Variants in WDR20 observed in about 807,000 individuals in gnomAD.
WDR20 encodes the protein WD repeat-containing protein 20.
A neutral mutation model predicts 38.7 loss-of-function variants in WDR20; 3 were observed. That is an observed-to-expected ratio of 0.08 (90% CI 0.04 to 0.20). WDR20 has a LOEUF of 0.20. WDR20 is among the 10% of genes least tolerant of loss of function. The pLI is 1.00. For synonymous variants in WDR20, 298 were observed against 285.6 expected, an observed-to-expected ratio of 1.04 and a Z score of -0.44; for missense variants, 559 against 727.7, an observed-to-expected ratio of 0.77 and a Z score of 2.67.
chr14:102,209,435 G>C lies in WDR20; in HGVS notation c.1265G>C (p.Gly422Ala). The C allele has an allele frequency of 6.2e-7, 1 of 1,614,158 alleles. No individual in the cohort carries two copies. The highest frequency in any genetic ancestry group is 8.5e-7 in the Non-Finnish European group (1 of 1,180,032). Residue 422 changes from glycine (G) to alanine (A), a missense_variant, in exon 3 of 3, where the codon GGG becomes GCG. Physicochemically the swap from Gly to Ala is moderately conservative, Grantham distance 60. Coordinates refer to ENST00000342702, the MANE Select transcript of WDR20 (RefSeq NM_144574.4). This position sits in a 1 kb window ranked among gnomAD's most constrained non-coding sequence, Gnocchi z 6.0. ...GSNGNSVTTP[G>A]NSVPPPLPRS... ...AATGGGAACAGTGTTACAACACCCG[G>C]GAACTCTGTGCCGCCTCCTCTGCCA... is the stretch of plus-strand genomic sequence containing the variant.
intron 1 of WDR20, among the ~76,000 whole-genome samples, chr14:102,144,888 G>A (rs1400965785): frequency 1.3e-5 from 2 of 151,940 alleles, no homozygotes; most frequent in East Asian, 1.9e-4. Context: ...TAATAGAGAC[G>A]GGGTTTTGCC....
At chr14:102,142,656 G>A (rs528263942) in intron 1 of WDR20, among the ~76,000 whole-genome samples, 2 of 151,476 alleles carry the variant, frequency 1.3e-5, no homozygotes, top group African/African-American at 4.9e-5. Context: ...AGGTCTTGCC[G>A]TGTTGCCCAG....
At chr14:102,144,024 T>TAAC (rs112135877) in intron 1 of WDR20, among the ~76,000 whole-genome samples, 121,682 of 149,614 alleles carry the variant, frequency 0.81, 50,227 homozygotes, top group East Asian at 0.97. Context: ...AAAAAAATAA[T>TAAC]AAAAAAAAAA....
At chr14:102,157,872 A>G (rs983866243) in intron 1 of WDR20, among the ~76,000 whole-genome samples, 4 of 152,058 alleles carry the variant, frequency 2.6e-5, no homozygotes, top group African/African-American at 7.3e-5. Context: ...AATTCTTAGT[A>G]TGATTTAAAA....
At chr14:102,169,673 G>A (rs901591263) in intron 1 of WDR20, among the ~76,000 whole-genome samples, 2 of 151,770 alleles carry the variant, frequency 1.3e-5, no homozygotes, top group African/African-American at 2.4e-5. Flanking sequence ...GATTACAGGC[G>A]CCTGCCACTA....
intron 2 of WDR20, among the ~76,000 whole-genome samples, chr14:102,199,854 G>A (rs1171335218): frequency 6.6e-6 from 1 of 152,240 alleles, no homozygotes; most frequent in Non-Finnish European, 1.5e-5. Context: ...TAAAATGCTT[G>A]TTGATAGAAA....
intron 2 of WDR20, among the ~76,000 whole-genome samples, chr14:102,199,196 T>C (rs1458253330): frequency 1.3e-5 from 2 of 151,784 alleles, no homozygotes; most frequent in African/African-American, 4.8e-5. Flanking sequence ...TCTGCCACTT[T>C]CTGCTTGCAG....
At chr14:102,218,172 G>A (rs552280517), downstream of WDR20, among the ~76,000 whole-genome samples, 2 of 152,380 alleles carry the variant, frequency 1.3e-5, no homozygotes, top group East Asian at 3.9e-4. Flanking sequence ...GGGCCTGTGT[G>A]CGTCTTACTT....
chr14:102,216,311 CGT>C (rs1387388964), downstream of WDR20, among the ~76,000 whole-genome samples: 1 of 152,166 alleles, frequency 6.6e-6, no homozygotes, highest in East Asian at 1.9e-4. Context: ...CTGAACAGGG[CGT>C]TTTGGTTTGT....
At chr14:102,187,299 G>T (rs1047371562) in intron 1 of WDR20, among the ~76,000 whole-genome samples, 1 of 152,174 alleles carries the variant, frequency 6.6e-6, no homozygotes, top group Non-Finnish European at 1.5e-5. Flanking sequence ...TTTTTAAAAG[G>T]AGCTGGACTT....
chr14:102,172,128 C>T (rs2060958015), intron 1 of WDR20, among the ~76,000 whole-genome samples: 1 of 151,396 alleles, frequency 6.6e-6, no homozygotes, highest in South Asian at 2.1e-4. Flanking sequence ...ATGCTGCCTT[C>T]AAGCATCTGT....
chr14:102,196,812 C>A (rs2059488077), intron 2 of WDR20, among the ~76,000 whole-genome samples: 1 of 152,232 alleles, frequency 6.6e-6, no homozygotes, highest in South Asian at 2.1e-4. Flanking sequence ...TGAGTTATCT[C>A]ATACTCACTT....
chr14:102,193,536 C>T, intron 1 of WDR20: 1 of 1,610,448 alleles, frequency 6.2e-7, no homozygotes, highest in Non-Finnish European at 8.5e-7. Context: ...AGAGTGTCCG[C>T]ATGGCATGCA....
chr14:102,208,484 T>G lies in WDR20; in HGVS notation c.433-119T>G. 1 of 1,351,528 alleles carries G rather than the reference T, an allele frequency of 7.4e-7. No individual in the cohort carries two copies. Among genetic ancestry groups the G allele is most frequent in the East Asian group, 2.5e-5 (1 of 40,562 alleles). 83.7% of individuals were successfully genotyped at this position (1,351,528 alleles called of 1,614,324 possible). A position where few individuals can be genotyped will look rare whatever the true frequency, so the allele number is the denominator to read the frequency against. On this transcript the variant is annotated intron_variant, in intron 2 of 2. Transcript: ENST00000342702. The surrounding 1 kb of genome is among the most constrained non-coding windows in gnomAD (Gnocchi z 5.6). ...TGGCTTGGCTGACTGCAGGATAAAA[T>G]GTGGAGGGCCTGGATAGACTTGCCC...
At chr14:102,177,251 CTT>C (rs934626245) in intron 1 of WDR20, among the ~76,000 whole-genome samples, 2 of 152,224 alleles carry the variant, frequency 1.3e-5, no homozygotes. Context: ...TTGTCTCACT[CTT>C]TTCTCAAGTG....
chr14:102,223,523 CTG>C (rs201658511), exon 4 of WDR20: 2,136 of 152,650 alleles, frequency 0.014, 26 homozygotes, highest in Admixed American at 0.033. Context: ...GTAAAATAAA[CTG>C]TTGTTTCCAA....
intron 1 of WDR20, among the ~76,000 whole-genome samples, chr14:102,169,929 C>A (rs1275942303): frequency 6.6e-6 from 1 of 152,062 alleles, no homozygotes; most frequent in Non-Finnish European, 1.5e-5. Flanking sequence ...TCACATGGTT[C>A]AAAATTCAAA....
intron 1 of WDR20, among the ~76,000 whole-genome samples, chr14:102,182,596 A>C (rs551799223): frequency 2.0e-5 from 3 of 152,178 alleles, no homozygotes; most frequent in Non-Finnish European, 4.4e-5. Flanking sequence ...TCATCAAGTC[A>C]CAGATTTTTC....
downstream of WDR20, among the ~76,000 whole-genome samples, chr14:102,211,000 T>C (rs376416237): frequency 4.6e-3 from 704 of 152,322 alleles, 7 homozygotes; most frequent in African/African-American, 0.016. Context: ...GCTCCCACCC[T>C]AGCGCCTCAG....
Sources: allele counts gnomAD v4.1 joint callset (sites outside exome capture counted in the v4.1 genomes callset), GRCh38; gene constraint gnomAD v4.1.1; non-coding constraint Gnocchi (gnomAD v3.1); transcripts MANE v1.5; gene names NCBI Gene and HGNC (gene_info 2026-07-23, HGNC 2026-07-21).